Variants in LINGO2 observed in about 807,000 individuals in gnomAD.
The protein encoded by LINGO2 is leucine rich repeat and Ig domain containing 2.
Under a neutral mutation model 30.6 loss-of-function variants are expected in LINGO2, and 14 were observed. The ratio of observed to expected loss-of-function variants is 0.46; its 90% CI spans 0.30 to 0.72. The LOEUF is 0.72. Ranked by LOEUF, LINGO2 falls within the 30% of genes least tolerant of loss-of-function variation. The pLI, the probability that LINGO2 is intolerant of heterozygous loss-of-function variation, is 0.07. For missense variants in LINGO2, 729 were observed against 751.7 expected (o/e 0.97, Z 0.35); for synonymous variants, 317 against 288.5 (o/e 1.10, Z -1.00).
At chr9:29,059,864 C>G in the LINGO2 span, among the ~76,000 whole-genome samples, 7 of 151,878 alleles carry the variant, frequency 4.6e-5, no homozygotes, top group African/African-American at 1.7e-4. Flanking sequence ...ATTGAACTTC[C>G]TCAAAATTAA....
the LINGO2 span, among the ~76,000 whole-genome samples, chr9:28,932,264 A>C: frequency 6.6e-6 from 1 of 152,154 alleles, no homozygotes; most frequent in East Asian, 1.9e-4. Flanking sequence ...TTTCTCCTGA[A>C]GTCTGGCAGT....
chr9:27,944,679 C>A (rs1425213746), downstream of LINGO2, among the ~76,000 whole-genome samples: 1 of 151,958 alleles, frequency 6.6e-6, no homozygotes. Flanking sequence ...TGGAAATAAC[C>A]AGGCACATGA....
chr9:28,917,835 T>G, the LINGO2 span, among the ~76,000 whole-genome samples: 1 of 151,954 alleles, frequency 6.6e-6, no homozygotes, highest in Non-Finnish European at 1.5e-5. Context: ...TGAATCAAGG[T>G]GCAAATGTAT....
the LINGO2 span, among the ~76,000 whole-genome samples, chr9:28,768,828 C>T: frequency 6.6e-6 from 1 of 152,076 alleles, no homozygotes; most frequent in African/African-American, 2.4e-5. Context: ...CATAAGCACA[C>T]AGTATGACAG....
chr9:28,482,875 C>A (rs1020867326), intron 1 of LINGO2, among the ~76,000 whole-genome samples: 1 of 151,970 alleles, frequency 6.6e-6, no homozygotes, highest in Admixed American at 6.6e-5. Flanking sequence ...AACGTTAGAC[C>A]TAAAATCATA....
chr9:29,190,147 A>G, the LINGO2 span, among the ~76,000 whole-genome samples: 1 of 152,206 alleles, frequency 6.6e-6, no homozygotes, highest in East Asian at 1.9e-4. Context: ...CATTAAAATT[A>G]AAAATATTTA....
chr9:28,846,688 C>T, the LINGO2 span, among the ~76,000 whole-genome samples: 1 of 147,440 alleles, frequency 6.8e-6, no homozygotes, highest in Non-Finnish European at 1.5e-5. Context: ...CCTGACCCAA[C>T]AGTTCTAATT....
At position 28,148,491 on chromosome 9, in the gene LINGO2, A is replaced by G; in HGVS notation, c.-86-136086T>C. 2 of 1,444,320 alleles carry G rather than the reference A, an allele frequency of 1.4e-6. No homozygotes were observed. Among genetic ancestry groups the G allele is most frequent in the East Asian group, 2.5e-5 (1 of 40,426 alleles). 89.5% of individuals were successfully genotyped at this position (1,444,320 alleles called of 1,614,324 possible). On this transcript the variant is annotated intron_variant, in intron 4 of 5. Coordinates refer to ENST00000379992, the Ensembl canonical transcript of LINGO2. This position sits in a 1 kb window ranked among gnomAD's most constrained non-coding sequence, Gnocchi z 5.1. ...GAGGTGACAGACCAGGTAGAGACCC[A>G]GGGGCAGGAGGACAATAAAAGGGGC...
intron 4 of LINGO2, among the ~76,000 whole-genome samples, chr9:28,264,990 TAA>T (rs913230620): frequency 6.6e-6 from 1 of 151,938 alleles, no homozygotes; most frequent in Non-Finnish European, 1.5e-5. Context: ...CAACTCCTGC[TAA>T]GTTTCCAGCC....
the LINGO2 span, among the ~76,000 whole-genome samples, chr9:29,135,534 G>A: frequency 1.3e-5 from 2 of 150,388 alleles, no homozygotes; most frequent in Admixed American, 6.6e-5. Context: ...CTCCAGCCTG[G>A]GTGACAGAGT....
chr9:28,245,349 C>T (rs1270358972), intron 4 of LINGO2, among the ~76,000 whole-genome samples: 1 of 152,006 alleles, frequency 6.6e-6, no homozygotes, highest in African/African-American at 2.4e-5. Flanking sequence ...AACTGATATA[C>T]TAAATGGGCT....
At chr9:28,615,275 C>T (rs1192019058) in intron 1 of LINGO2, among the ~76,000 whole-genome samples, 1 of 152,120 alleles carries the variant, frequency 6.6e-6, no homozygotes, top group Non-Finnish European at 1.5e-5. Context: ...TAAATATTCA[C>T]TTAATATGTT....
At chr9:28,628,764 A>G (rs974965112) in intron 1 of LINGO2, among the ~76,000 whole-genome samples, 10 of 152,116 alleles carry the variant, frequency 6.6e-5, no homozygotes, top group African/African-American at 2.2e-4. Context: ...GTTTGTCTCA[A>G]TAAAATTATT....
the LINGO2 span, among the ~76,000 whole-genome samples, chr9:28,810,981 G>A: frequency 0.018 from 2,690 of 151,962 alleles, 32 homozygotes; most frequent in Non-Finnish European, 0.026. Context: ...TTTTATTTTT[G>A]ACCACTATAG....
At chr9:28,797,359 T>TATATATATATATAGAGAGAGAG in the LINGO2 span, among the ~76,000 whole-genome samples, 2 of 34,210 alleles carry the variant, frequency 5.8e-5, no homozygotes, top group African/African-American at 1.9e-4. Flanking sequence ...TATATATATA[T>TATATATATATATAGAGAGAGAG]AGAGAGAGAG....
At chr9:28,667,112 C>T (rs1013200477) in intron 1 of LINGO2, among the ~76,000 whole-genome samples, 5 of 152,030 alleles carry the variant, frequency 3.3e-5, no homozygotes, top group African/African-American at 9.7e-5. Flanking sequence ...ATGCATGCTC[C>T]GTGAGAAGTA....
chr9:28,837,739 TG>T, the LINGO2 span, among the ~76,000 whole-genome samples: 4 of 144,298 alleles, frequency 2.8e-5, no homozygotes, highest in Non-Finnish European at 6.0e-5. Context: ...TGCTGAGAAC[TG>T]GGCTTAGAGA....
the LINGO2 span, among the ~76,000 whole-genome samples, chr9:28,728,579 C>T: frequency 6.6e-5 from 10 of 152,120 alleles, no homozygotes; most frequent in Non-Finnish European, 1.5e-4. Context: ...AAAATTATTT[C>T]GGACTGAACT....
chr9:29,164,282 C>T, the LINGO2 span, among the ~76,000 whole-genome samples: 3 of 152,048 alleles, frequency 2.0e-5, no homozygotes, highest in East Asian at 3.9e-4. Context: ...ATAGAAGATT[C>T]GTGAGCAACA....
Sources: gnomAD v4.1 joint callset for allele counts (sites outside exome capture counted in the v4.1 genomes callset) on GRCh38, gnomAD v4.1.1 for gene constraint, Gnocchi (gnomAD v3.1) non-coding constraint, MANE v1.5 for transcripts, NCBI Gene and HGNC (gene_info 2026-07-23, HGNC 2026-07-21) for gene names.